The following SLC6A11 variants were observed in gnomAD, a reference collection of about 807,000 sequenced individuals.
SLC6A11 encodes the protein sodium- and chloride-dependent GABA transporter 3.
In SLC6A11, 25 loss-of-function variants were observed where a neutral mutation model predicts 74.8. The observed-to-expected ratio is 0.33, with a 90% CI of 0.24 to 0.47. The LOEUF (loss-of-function observed/expected upper bound fraction) is 0.47, where lower values mean the gene tolerates loss of function less well. Among genes scored for constraint, SLC6A11 ranks in the 20% least tolerant of loss-of-function variants. The pLI, the probability that SLC6A11 is intolerant of heterozygous loss-of-function variation, is 1.00. For missense variants in SLC6A11, 574 were observed against 837.0 expected, an observed-to-expected ratio of 0.69 and a Z score of 3.88; for synonymous variants, 330 against 330.2, an observed-to-expected ratio of 1.00 and a Z score of 0.01.
At chr3:10,912,780 T>C (rs1206481588) in intron 7 of SLC6A11, among the ~76,000 whole-genome samples, 4 of 151,934 alleles carry the variant, frequency 2.6e-5, no homozygotes, top group Non-Finnish European at 5.9e-5. Flanking sequence ...GGCTGAGTCG[T>C]GGAGGGCAGG....
At chr3:10,841,440 A>G (rs1012791498) in intron 4 of SLC6A11, among the ~76,000 whole-genome samples, 2 of 152,158 alleles carry the variant, frequency 1.3e-5, no homozygotes, top group African/African-American at 4.8e-5. Context: ...CTGGCCCCTG[A>G]GCCCCCTTTC....
chr3:10,930,317 G>A (rs4684747), intron 10 of SLC6A11, among the ~76,000 whole-genome samples: 24,709 of 151,954 alleles, frequency 0.16, 2,104 homozygotes, highest in South Asian at 0.2. Context: ...TGGTCCACCT[G>A]TTCACCTGTC....
intron 5 of SLC6A11, 121 bp downstream of exon 5, chr3:10,844,467 G>A (rs1451418566): frequency 8.2e-7 from 1 of 1,221,624 alleles, no homozygotes; most frequent in Non-Finnish European, 1.2e-6. Flanking sequence ...GAGCGGGGAG[G>A]AACACTGGAC....
intron 13 of SLC6A11, 78 bp downstream of exon 13, chr3:10,935,277 C>A: frequency 7.4e-7 from 1 of 1,347,586 alleles, no homozygotes; most frequent in Non-Finnish European, 1.0e-6. Flanking sequence ...CTGCATGGTG[C>A]GCGATGACGG....
At chr3:10,920,368 A>T (rs1218313803) in intron 8 of SLC6A11, among the ~76,000 whole-genome samples, 1 of 152,220 alleles carries the variant, frequency 6.6e-6, no homozygotes, top group African/African-American at 2.4e-5. Flanking sequence ...TTTTTCATAC[A>T]TATGTAGCTA....
chr3:10,867,464 T>C (rs1694779395), intron 5 of SLC6A11, among the ~76,000 whole-genome samples: 1 of 152,224 alleles, frequency 6.6e-6, no homozygotes, highest in South Asian at 2.1e-4. Context: ...GTATGAGATA[T>C]TTCTGGCACC....
chr3:10,864,321 C>T (rs946594973), intron 5 of SLC6A11, among the ~76,000 whole-genome samples: 5 of 151,472 alleles, frequency 3.3e-5, no homozygotes, highest in African/African-American at 9.7e-5. Context: ...GAAAACACCC[C>T]TCCCTTGTGA....
At chr3:10,890,918 C>T (rs532829476) in intron 6 of SLC6A11, among the ~76,000 whole-genome samples, 10 of 152,148 alleles carry the variant, frequency 6.6e-5, no homozygotes, top group Non-Finnish European at 1.2e-4. Flanking sequence ...AACTTGGATG[C>T]CCATATTGCA....
At chr3:10,914,357 G>A (rs140011178) in intron 7 of SLC6A11, among the ~76,000 whole-genome samples, 29 of 152,272 alleles carry the variant, frequency 1.9e-4, no homozygotes, top group Middle Eastern at 6.8e-3. Flanking sequence ...TTGTTAAGTC[G>A]GCAGTGTTTA....
At chr3:10,925,965 G>A (rs767812961) in intron 8 of SLC6A11, 39 bp from the exon 9 acceptor site, 29 of 1,126,414 alleles carry the variant, frequency 2.6e-5, no homozygotes, top group Admixed American at 5.3e-5. Context: ...TGAGGGATGG[G>A]ACTCCACCCA....
At chr3:10,864,480 C>G (rs1694740713) in intron 5 of SLC6A11, among the ~76,000 whole-genome samples, 1 of 151,914 alleles carries the variant, frequency 6.6e-6, no homozygotes. Flanking sequence ...CCTGGCACAT[C>G]CGAAAGGTTG....
At chr3:10,891,666 CAG>C (rs533783430) in intron 6 of SLC6A11, among the ~76,000 whole-genome samples, 12 of 152,284 alleles carry the variant, frequency 7.9e-5, no homozygotes, top group South Asian at 2.1e-4. Flanking sequence ...ACCTGAGTGC[CAG>C]AGAGAGGATA....
chr3:10,937,758 AG>A lies in SLC6A11; in HGVS notation c.1747-490del, dbSNP rs1695775138. ...TGCTTCTACCTTTGAGCACAGCTGG[AG>A]GAACACCCAACACACACTACACCTT... On this transcript the variant is annotated intron_variant, in intron 13 of 13. Transcript: ENST00000254488. 2.0e-5 allele frequency among the ~76,000 whole-genome samples: 3 copies of A among 152,176 alleles called. No individual in the cohort carries two copies. In the South Asian group the frequency reaches 6.2e-4, roughly 32 times the overall value.
intron 5 of SLC6A11, among the ~76,000 whole-genome samples, chr3:10,874,342 G>A (rs75658921): frequency 0.013 from 2,025 of 152,202 alleles, 88 homozygotes; most frequent in South Asian, 0.11. Context: ...AGCACATCAC[G>A]GGCACTCAGT....
At chr3:10,858,161 G>A (rs1694660572) in intron 5 of SLC6A11, among the ~76,000 whole-genome samples, 1 of 152,186 alleles carries the variant, frequency 6.6e-6, no homozygotes, top group Non-Finnish European at 1.5e-5. Context: ...GGACAGTACA[G>A]CCATTAGTGA....
At chr3:10,821,095 A>AG (rs1694132974) in intron 3 of SLC6A11, among the ~76,000 whole-genome samples, 2 of 152,180 alleles carry the variant, frequency 1.3e-5, no homozygotes, top group South Asian at 4.1e-4. Context: ...TTCTCTCTTT[A>AG]GGGCCCTAGT....
intron 5 of SLC6A11, among the ~76,000 whole-genome samples, chr3:10,849,841 G>A (rs1318993152): frequency 1.5e-5 from 2 of 130,406 alleles, no homozygotes; most frequent in East Asian, 2.3e-4. Context: ...AACCCTTTTC[G>A]TTACTGTGTG....
chr3:10,866,029 A>G (rs1273887735), intron 5 of SLC6A11, among the ~76,000 whole-genome samples: 1 of 152,226 alleles, frequency 6.6e-6, no homozygotes, highest in Non-Finnish European at 1.5e-5. Context: ...ACCTCAGAGA[A>G]CAGAAGCATA....
At chr3:10,821,839 G>A (rs1694142280) in intron 3 of SLC6A11, among the ~76,000 whole-genome samples, 1 of 151,704 alleles carries the variant, frequency 6.6e-6, no homozygotes, top group South Asian at 2.1e-4. Flanking sequence ...AAAAATAATT[G>A]AGAAATCCTA....
Sources: gnomAD v4.1 joint callset for allele counts (sites outside exome capture counted in the v4.1 genomes callset) on GRCh38, gnomAD v4.1.1 for gene constraint, MANE v1.5 for transcripts, NCBI Gene and HGNC (gene_info 2026-07-23, HGNC 2026-07-21) for gene names.